The following SYN2 variants were observed in gnomAD, a reference collection of about 807,000 sequenced individuals.
SYN2 encodes the protein synapsin II.
A neutral mutation model predicts 50.9 loss-of-function variants in SYN2; 19 were observed. The observed-to-expected ratio is 0.37, with a 90% CI of 0.26 to 0.55. The LOEUF is 0.55. Among genes scored for constraint, SYN2 ranks in the 20% least tolerant of loss-of-function variants. The pLI is 0.81. For synonymous variants in SYN2, 255 were observed against 224.9 expected (o/e 1.13, Z -1.20); for missense variants, 587 against 576.4 (o/e 1.02, Z -0.19).
chr3:12,110,099 G>A (rs1696280715), intron 1 of SYN2, among the ~76,000 whole-genome samples: 1 of 152,164 alleles, frequency 6.6e-6, no homozygotes, highest in Non-Finnish European at 1.5e-5. Flanking sequence ...TGAGACAAGA[G>A]GGTTGCTTGA....
chr3:12,155,933 C>T (rs34715480), intron 5 of SYN2, among the ~76,000 whole-genome samples: 1 of 152,190 alleles, frequency 6.6e-6, no homozygotes, highest in African/African-American at 2.4e-5. Context: ...CCAGGAGCTC[C>T]TCAGTTCTGT....
intron 5 of SYN2, chr3:12,159,197 G>C (rs1410819964): frequency 1.2e-5 from 3 of 259,702 alleles, no homozygotes; most frequent in African/African-American, 4.5e-5. Flanking sequence ...AATGCATGAG[G>C]ACAGAAAAAC....
intron 1 of SYN2, among the ~76,000 whole-genome samples, chr3:12,131,101 A>G (rs1696788461): frequency 6.6e-6 from 1 of 152,238 alleles, no homozygotes; most frequent in South Asian, 2.1e-4. Flanking sequence ...TGAGGAGACA[A>G]GTAGGGGCTG....
At chr3:12,104,440 T>C (rs1696136229) in intron 1 of SYN2, among the ~76,000 whole-genome samples, 2 of 151,626 alleles carry the variant, frequency 1.3e-5, no homozygotes, top group South Asian at 4.2e-4. Context: ...AAAAAATCAG[T>C]AAAGATATAG....
At chr3:12,048,730 A>G (rs1029250272) in intron 1 of SYN2, among the ~76,000 whole-genome samples, 2 of 152,168 alleles carry the variant, frequency 1.3e-5, no homozygotes, top group Non-Finnish European at 2.9e-5. Context: ...GGTATATACT[A>G]TATTTCCCCC....
chr3:12,149,642 C>A (rs534928551), intron 4 of SYN2, among the ~76,000 whole-genome samples: 2 of 152,116 alleles, frequency 1.3e-5, no homozygotes, highest in African/African-American at 4.8e-5. Context: ...TCTATAAAGT[C>A]CCTTTTGACA....
chr3:12,070,352 C>T (rs562305123), intron 1 of SYN2: 87 of 512,096 alleles, frequency 1.7e-4, no homozygotes, highest in African/African-American at 1.4e-3. Flanking sequence ...CACCAGGGCA[C>T]GATGGTGGGC....
At chr3:12,170,291 G>A (rs1020358037) in intron 10 of SYN2, among the ~76,000 whole-genome samples, 4 of 152,208 alleles carry the variant, frequency 2.6e-5, no homozygotes, top group African/African-American at 9.7e-5. Flanking sequence ...CTGCTTCACT[G>A]TGTTGAGCCT....
intron 1 of SYN2, chr3:12,071,043 G>T (rs1695341496): frequency 5.4e-6 from 3 of 560,290 alleles, no homozygotes; most frequent in Non-Finnish European, 1.1e-5. Flanking sequence ...TCCTGGGCAT[G>T]GAATCTTGTG....
intron 1 of SYN2, among the ~76,000 whole-genome samples, chr3:12,098,129 A>G (rs1422265819): frequency 6.6e-6 from 1 of 152,234 alleles, no homozygotes. Flanking sequence ...TCTTGAAAGT[A>G]GCAAAAGAGA....
At chr3:12,138,333 C>T (rs559698658) in intron 1 of SYN2, among the ~76,000 whole-genome samples, 1 of 152,276 alleles carries the variant, frequency 6.6e-6, no homozygotes, top group Admixed American at 6.5e-5. Flanking sequence ...ATTAGGATAG[C>T]TAGAGAGGTG....
At chr3:12,141,062 T>C (rs1697008466) in intron 2 of SYN2, among the ~76,000 whole-genome samples, 2 of 152,216 alleles carry the variant, frequency 1.3e-5, no homozygotes. Flanking sequence ...TGGCAAGATA[T>C]TTCTCGGTAG....
intron 1 of SYN2, among the ~76,000 whole-genome samples, chr3:12,122,891 A>G (rs1696590962): frequency 6.6e-6 from 1 of 152,166 alleles, no homozygotes; most frequent in Non-Finnish European, 1.5e-5. Flanking sequence ...AAAAAAAACA[A>G]GAAAGAACAT....
At chr3:12,142,183 C>T (rs1304519044) in intron 3 of SYN2, among the ~76,000 whole-genome samples, 187 bp downstream of exon 3, 2 of 152,156 alleles carry the variant, frequency 1.3e-5, no homozygotes, top group Non-Finnish European at 2.9e-5. Context: ...TCTCGCTGAG[C>T]TTAGTCCAGT....
At chr3:12,178,307 T>C (rs947616391) in intron 10 of SYN2, among the ~76,000 whole-genome samples, 1 of 152,218 alleles carries the variant, frequency 6.6e-6, no homozygotes, top group Non-Finnish European at 1.5e-5. Context: ...GCAGCTGGTC[T>C]CAGGCCAACA....
intron 1 of SYN2, among the ~76,000 whole-genome samples, chr3:12,063,782 A>G (rs2125163868): frequency 6.6e-6 from 1 of 152,150 alleles, no homozygotes; most frequent in South Asian, 2.1e-4. Flanking sequence ...GTATTGGGTT[A>G]TAATCCAAAA....
At chr3:12,056,983 A>G (rs1251089508) in intron 1 of SYN2, among the ~76,000 whole-genome samples, 1 of 152,192 alleles carries the variant, frequency 6.6e-6, no homozygotes, top group African/African-American at 2.4e-5. Context: ...ATTCTAAGAC[A>G]AGATATGAAA....
chr3:12,152,616 G>A (rs1437470571), intron 5 of SYN2, among the ~76,000 whole-genome samples: 3 of 152,106 alleles, frequency 2.0e-5, no homozygotes, highest in Non-Finnish European at 2.9e-5. Flanking sequence ...ATTTCTCTCC[G>A]GTGCTCTATC....
chr3:12,034,613 A>T (rs1040116056), intron 1 of SYN2, among the ~76,000 whole-genome samples: 1 of 152,202 alleles, frequency 6.6e-6, no homozygotes, highest in Non-Finnish European at 1.5e-5. Context: ...GGAAGGCATG[A>T]CATGGCATTA....
Sources: gnomAD v4.1 joint callset for allele counts (sites outside exome capture counted in the v4.1 genomes callset) on GRCh38, gnomAD v4.1.1 for gene constraint, MANE v1.5 for transcripts, NCBI Gene and HGNC (gene_info 2026-07-23, HGNC 2026-07-21) for gene names.